The following CFAP418 variants were observed in gnomAD, a reference collection of about 807,000 sequenced individuals.
The protein encoded by CFAP418 is cilia- and flagella-associated protein 418.
CFAP418 carries 27 observed loss-of-function variants against 24.7 expected under a neutral mutation model. The observed-to-expected ratio is 1.09, with a 90% CI of 0.81 to 1.51. The LOEUF (loss-of-function observed/expected upper bound fraction) is 1.51, where lower values mean the gene tolerates loss of function less well. CFAP418 is among the 40% of genes most tolerant of loss of function. CFAP418 has a pLI of 0.00. For synonymous variants in CFAP418, 74 were observed against 87.3 expected (o/e 0.85, Z 0.85); for missense variants, 257 against 255.2 (o/e 1.01, Z -0.05).
chr8:95,245,332 C>T lies in CFAP418; in HGVS notation c.*2285G>A, dbSNP rs1422851080. ...TAAATTGCCAATAAACATGGGAACT[C>T]ACACATACATTTCTGACATTGGGGG... On this transcript the variant is annotated 3_prime_UTR_variant, in exon 6 of 6. Transcript: ENST00000286688. 6.6e-6 allele frequency: 1 copy of T among 152,098 alleles called. No homozygotes were observed. Among genetic ancestry groups the T allele is most frequent in the East Asian group, 1.9e-4 (1 of 5,206 alleles). The allele number at this position is 152,098 out of a possible 1,614,324, so 9.4% of individuals were successfully genotyped here. A position where few individuals can be genotyped will look rare whatever the true frequency, so the allele number is the denominator to read the frequency against.
intron 4 of CFAP418, 113 bp from the exon 5 acceptor site, chr8:95,252,396 CA>C: frequency 1.5e-6 from 1 of 658,190 alleles, no homozygotes. Flanking sequence ...ACTGAATAAA[CA>C]ACAGAAAAGT....
chr8:95,267,544 G>A (rs1328284218), intron 1 of CFAP418, among the ~76,000 whole-genome samples: 1 of 152,052 alleles, frequency 6.6e-6, no homozygotes, highest in Non-Finnish European at 1.5e-5. Flanking sequence ...GAGCTGAGGT[G>A]GGCCACTGCA....
At position 95,269,180 on chromosome 8, in the gene CFAP418, C is replaced by T. The variant is rs377322234; in HGVS notation, c.10G>A (p.Asp4Asn). 1 of 1,614,128 alleles carries T rather than the reference C, an allele frequency of 6.2e-7. No homozygotes were observed. Among genetic ancestry groups the T allele is most frequent in the South Asian group, 1.1e-5 (1 of 91,072 alleles). The change falls in exon 1 of 6, where the codon GAC becomes AAC. Residue 4 changes from aspartate (D) to asparagine (N), a missense_variant. Physicochemically the swap from Asp to Asn is conservative, Grantham distance 23. Transcript: ENST00000286688. Reference protein sequence around the residue: MAEDLDELLDEVES... With the variant: MAENLDELLDEVES... Reference sequence around the variant, plus strand: ...ACTTCATCCAAGAGCTCGTCCAGGTCCTCCGCCATCTTGAATCGCCTGGCC... The same window carrying T: ...ACTTCATCCAAGAGCTCGTCCAGGTTCTCCGCCATCTTGAATCGCCTGGCC...
chr8:95,253,036 G>A (rs1307109144), intron 4 of CFAP418, among the ~76,000 whole-genome samples: 12 of 151,910 alleles, frequency 7.9e-5, no homozygotes, highest in East Asian at 3.9e-4. Context: ...ATGGCCGGGC[G>A]CGGTGGCTCA....
chr8:95,255,963 G>A (rs1051320629), intron 4 of CFAP418, among the ~76,000 whole-genome samples: 14 of 152,308 alleles, frequency 9.2e-5, no homozygotes, highest in African/African-American at 2.9e-4. Context: ...ATTTACCTGC[G>A]CATATATATG....
At position 95,250,926 on chromosome 8, in the gene CFAP418, C is replaced by T. The variant is rs140181662; in HGVS notation, c.470+1262G>A. ...CATAGATTTACCCAAGAATGGCTGC[C>T]AAAAAAGGCGTAGGGGAAAGTCTCT... On this transcript the variant is annotated intron_variant, in intron 5 of 5. Coordinates refer to ENST00000286688, the MANE Select transcript of CFAP418 (RefSeq NM_177965.4). Among the ~76,000 whole-genome samples the T allele has an allele frequency of 7.0e-4, 107 of 152,058 alleles. 1 individual carries two copies. The highest frequency in any genetic ancestry group is 2.6e-3 in the African/African-American group (106 of 41,506).
At chr8:95,262,999 A>G (rs1052281646) in intron 2 of CFAP418, among the ~76,000 whole-genome samples, 1 of 152,224 alleles carries the variant, frequency 6.6e-6, no homozygotes, top group Non-Finnish European at 1.5e-5. Flanking sequence ...GTTTATGGTT[A>G]TGTACATATG....
At chr8:95,263,950 T>C (rs891101029) in intron 1 of CFAP418, among the ~76,000 whole-genome samples, 176 bp from the exon 2 acceptor site, 2 of 152,206 alleles carry the variant, frequency 1.3e-5, no homozygotes, top group Admixed American at 1.3e-4. Flanking sequence ...AGATATACTT[T>C]ATCAGGTACA....
chr8:95,259,538 T>G (rs1257844359), intron 4 of CFAP418, among the ~76,000 whole-genome samples: 1 of 152,154 alleles, frequency 6.6e-6, no homozygotes, highest in East Asian at 1.9e-4. Context: ...GCCACTTTGC[T>G]TCCACTGCCT....
chr8:95,263,215 C>G (rs2132163944), intron 2 of CFAP418, among the ~76,000 whole-genome samples: 2 of 152,188 alleles, frequency 1.3e-5, no homozygotes, highest in Middle Eastern at 6.8e-3. Flanking sequence ...ATATAGGTTG[C>G]TGTTATATTA....
chr8:95,261,532 A>G (rs1172682519), intron 2 of CFAP418, among the ~76,000 whole-genome samples: 1 of 152,172 alleles, frequency 6.6e-6, no homozygotes, highest in East Asian at 1.9e-4. Context: ...GTAAGGGAGT[A>G]GTATTGTCAG....
chr8:95,252,368 C>A (rs1811722688), intron 4 of CFAP418, 85 bp from the exon 5 acceptor site: 1 of 807,962 alleles, frequency 1.2e-6, no homozygotes, highest in Non-Finnish European at 2.1e-6. Context: ...TTATAGGATA[C>A]ACCACATATT....
chr8:95,249,516 G>A (rs908543734), intron 5 of CFAP418, among the ~76,000 whole-genome samples: 10 of 152,258 alleles, frequency 6.6e-5, no homozygotes, highest in African/African-American at 9.6e-5. Flanking sequence ...AGCTGGATGT[G>A]GTAGTGCGCA....
chr8:95,252,067 G>A, intron 5 of CFAP418, 121 bp downstream of exon 5: 1 of 686,164 alleles, frequency 1.5e-6, no homozygotes, highest in Non-Finnish European at 2.6e-6. Flanking sequence ...CGCAGCACAT[G>A]ACTATACTGA....
chr8:95,267,344 G>A (rs1812004920), intron 1 of CFAP418, among the ~76,000 whole-genome samples: 1 of 152,212 alleles, frequency 6.6e-6, no homozygotes, highest in African/African-American at 2.4e-5. Context: ...GCTCATGCCT[G>A]TAATCCCAGC....
At chr8:95,248,221 TTC>T (rs1347238695) in intron 5 of CFAP418, among the ~76,000 whole-genome samples, 1 of 152,214 alleles carries the variant, frequency 6.6e-6, no homozygotes, top group African/African-American at 2.4e-5. Context: ...TGCTTCAGTG[TTC>T]TCTTTCTGAT....
intron 4 of CFAP418, among the ~76,000 whole-genome samples, chr8:95,258,056 T>G (rs1030591695): frequency 6.6e-6 from 1 of 152,272 alleles, no homozygotes; most frequent in Admixed American, 6.5e-5. Flanking sequence ...AATGTGAGTG[T>G]TGTGTCTTCA....
intron 4 of CFAP418, among the ~76,000 whole-genome samples, chr8:95,257,408 G>A (rs2132159297): frequency 6.6e-6 from 1 of 152,258 alleles, no homozygotes; most frequent in Admixed American, 6.5e-5. Flanking sequence ...TCCCATATAA[G>A]GCTTCTCCAG....
At chr8:95,257,628 C>A (rs576680895) in intron 4 of CFAP418, among the ~76,000 whole-genome samples, 1 of 152,236 alleles carries the variant, frequency 6.6e-6, no homozygotes, top group Admixed American at 6.5e-5. Flanking sequence ...TAAATAATTC[C>A]TATTCCTAGT....
Sources: allele counts gnomAD v4.1 joint callset (sites outside exome capture counted in the v4.1 genomes callset), GRCh38; gene constraint gnomAD v4.1.1; transcripts MANE v1.5; gene names NCBI Gene and HGNC (gene_info 2026-07-23, HGNC 2026-07-21).